Variants in NPSR1 observed in about 807,000 individuals in gnomAD.
The protein encoded by NPSR1 is neuropeptide S receptor 1.
Under a neutral mutation model 46.9 loss-of-function variants are expected in NPSR1, and 48 were observed. That is an observed-to-expected ratio of 1.02 (90% confidence interval 0.81 to 1.30). NPSR1 has a LOEUF of 1.30. NPSR1 is among the 50% of genes most tolerant of loss of function. NPSR1 has a pLI of 0.00. For missense variants in NPSR1, 450 were observed against 449.5 expected (o/e 1.00, Z -0.01); for synonymous variants, 176 against 168.1 (o/e 1.05, Z -0.36).
chr7:34,789,740 C>CAAAAA (rs751424409), intron 3 of NPSR1, among the ~76,000 whole-genome samples: 990 of 45,292 alleles, frequency 0.022, 88 homozygotes, highest in African/African-American at 0.03. Context: ...TTGCAGTGCG[C>CAAAAA]AAAAAAAAAA....
At chr7:34,676,719 G>A (rs1057142170) in intron 1 of NPSR1, among the ~76,000 whole-genome samples, 2 of 152,158 alleles carry the variant, frequency 1.3e-5, no homozygotes, top group East Asian at 3.9e-4. Context: ...CTGGCATAGA[G>A]TAGGAAATTA....
chr7:34,736,686 G>C (rs540985445), intron 2 of NPSR1, among the ~76,000 whole-genome samples: 238 of 152,056 alleles, frequency 1.6e-3, no homozygotes, highest in African/African-American at 5.5e-3. Context: ...CTGCAACCTG[G>C]AACTTCTGGG....
chr7:34,669,470 G>T (rs1037160446), intron 1 of NPSR1, among the ~76,000 whole-genome samples: 1 of 151,974 alleles, frequency 6.6e-6, no homozygotes, highest in Admixed American at 6.5e-5. Flanking sequence ...GGCTGAGGCT[G>T]AGGCAGGAGA....
intron 2 of NPSR1, chr7:34,751,743 CTT>C: frequency 6.3e-7 from 1 of 1,586,406 alleles, no homozygotes; most frequent in Non-Finnish European, 8.7e-7. Context: ...GACTGGTTCT[CTT>C]CTCTTCTAGC....
intron 2 of NPSR1, among the ~76,000 whole-genome samples, chr7:34,732,883 T>A (rs973540092): frequency 3.3e-5 from 5 of 152,102 alleles, no homozygotes; most frequent in African/African-American, 1.2e-4. Context: ...GTGGTGGCCG[T>A]TAAGAGTGAA....
chr7:34,856,574 G>A (rs547496882), intron 8 of NPSR1, among the ~76,000 whole-genome samples: 1 of 151,740 alleles, frequency 6.6e-6, no homozygotes, highest in African/African-American at 2.4e-5. Context: ...GGGGAAGCGT[G>A]GATGATTTTA....
intron 8 of NPSR1, among the ~76,000 whole-genome samples, chr7:34,874,032 C>T (rs1386974306): frequency 2.0e-5 from 3 of 151,680 alleles, no homozygotes; most frequent in African/African-American, 7.3e-5. Context: ...TAATGATACA[C>T]AGTCTTCTCT....
intron 6 of NPSR1, among the ~76,000 whole-genome samples, chr7:34,843,140 T>G (rs1790628135): frequency 6.6e-6 from 1 of 152,226 alleles, no homozygotes; most frequent in African/African-American, 2.4e-5. Context: ...CTCTCCTCTG[T>G]CCACAGTTGG....
At chr7:34,679,817 T>A (rs1792525296) in intron 1 of NPSR1, among the ~76,000 whole-genome samples, 1 of 152,068 alleles carries the variant, frequency 6.6e-6, no homozygotes, top group South Asian at 2.1e-4. Flanking sequence ...TAGAAATCAT[T>A]TAAATAATAA....
chr7:34,666,442 T>C (rs373441085), intron 1 of NPSR1, among the ~76,000 whole-genome samples: 15 of 152,288 alleles, frequency 9.8e-5, no homozygotes, highest in African/African-American at 3.6e-4. Context: ...CTAATAAAGA[T>C]TTTTCCTTTT....
At chr7:34,804,721 GATGAA>G (rs1432469500) in intron 3 of NPSR1, among the ~76,000 whole-genome samples, 1 of 151,630 alleles carries the variant, frequency 6.6e-6, no homozygotes, top group African/African-American at 2.4e-5. Flanking sequence ...CATTGGAAAA[GATGAA>G]ATAAAAATGT....
At chr7:34,718,621 C>A (rs931274412) in intron 2 of NPSR1, among the ~76,000 whole-genome samples, 14 of 152,146 alleles carry the variant, frequency 9.2e-5, no homozygotes, top group African/African-American at 3.1e-4. Flanking sequence ...AAGGGTAGAC[C>A]TACATTGAAG....
intron 3 of NPSR1, among the ~76,000 whole-genome samples, chr7:34,808,465 GTCTT>G (rs1009455251): frequency 6.6e-6 from 1 of 152,096 alleles, no homozygotes; most frequent in African/African-American, 2.4e-5. Context: ...TGAACATGAT[GTCTT>G]TCTTTGTACT....
intron 2 of NPSR1, 41 bp from the exon 3 acceptor site, chr7:34,778,421 A>C: frequency 8.5e-7 from 1 of 1,176,674 alleles, no homozygotes; most frequent in Non-Finnish European, 1.2e-6. Flanking sequence ...AATAAAAATA[A>C]AAATAAACCC....
intron 2 of NPSR1, among the ~76,000 whole-genome samples, chr7:34,763,672 G>A (rs762852020): frequency 1.8e-4 from 28 of 152,126 alleles, no homozygotes; most frequent in Non-Finnish European, 3.1e-4. Context: ...ATATTCTTCA[G>A]GTAGAGGTGT....
Position 34,723,443 on chromosome 7 carries a change from C to T in NPSR1, c.280+38759C>T, listed in dbSNP as rs549126422. Reference sequence around the variant, plus strand: ...CACACTGACAGGATCTCCCTGAGGACACCAAGTGCCTAAGAATTTGAACAA... The same window carrying T: ...CACACTGACAGGATCTCCCTGAGGATACCAAGTGCCTAAGAATTTGAACAA... On this transcript the variant is annotated intron_variant, in intron 2 of 8. Coordinates refer to ENST00000360581, the MANE Select transcript of NPSR1 (RefSeq NM_207172.2). 6 of 152,406 alleles carry T rather than the reference C, an allele frequency of 3.9e-5. No individual in the cohort carries two copies. The South Asian group carries it at 1.2e-3, about 32-fold the overall frequency. 9.4% of individuals were successfully genotyped at this position (152,406 alleles called of 1,614,324 possible).
Position 34,696,090 on chromosome 7 carries a change from A to C in NPSR1, c.280+11406A>C, listed in dbSNP as rs542214026. On this transcript the variant is annotated intron_variant, in intron 2 of 8. Coordinates refer to ENST00000360581, the MANE Select transcript of NPSR1 (RefSeq NM_207172.2). ...ATGGTTGATTTGATAAAAAAAAAAA[A>C]AAAAAAAACTGCGGTATATATACAC... Among the ~76,000 whole-genome samples the C allele has an allele frequency of 6.7e-3, 1,011 of 151,830 alleles. 10 individuals are homozygous for C. Among genetic ancestry groups the C allele is most frequent in the African/African-American group, 0.023 (937 of 41,490 alleles).
At chr7:34,724,869 A>T (rs1042378430) in intron 2 of NPSR1, among the ~76,000 whole-genome samples, 7 of 152,198 alleles carry the variant, frequency 4.6e-5, no homozygotes, top group African/African-American at 1.7e-4. Flanking sequence ...TACAAAACAA[A>T]TAGTATCATA....
chr7:34,785,494 C>T (rs1787424118), intron 3 of NPSR1, among the ~76,000 whole-genome samples: 1 of 149,752 alleles, frequency 6.7e-6, no homozygotes, highest in Non-Finnish European at 1.5e-5. Flanking sequence ...AACTAACCTG[C>T]ACATTGTGCA....
Sources: gnomAD v4.1 joint callset for allele counts (sites outside exome capture counted in the v4.1 genomes callset) on GRCh38, gnomAD v4.1.1 for gene constraint, MANE v1.5 for transcripts, NCBI Gene and HGNC (gene_info 2026-07-23, HGNC 2026-07-21) for gene names.